B4GALT5: variants seen among roughly 807,000 people sequenced by gnomAD.
B4GALT5 encodes UDP-Gal:beta-GlcNAc beta-1,4-galactosyltransferase 5.
B4GALT5 carries 11 observed loss-of-function variants against 45.0 expected under a neutral mutation model. The ratio of observed to expected loss-of-function variants is 0.24; its 90% confidence interval spans 0.15 to 0.40. B4GALT5 has a LOEUF of 0.40. Ranked by LOEUF, B4GALT5 falls within the 10% of genes least tolerant of loss-of-function variation. B4GALT5 has a pLI of 1.00. For synonymous variants in B4GALT5, 185 were observed against 182.9 expected (o/e 1.01, Z -0.09); for missense variants, 337 against 500.2 (o/e 0.67, Z 3.11).
At chr20:49,694,839 T>TACACACACAC (rs71339447) in intron 1 of B4GALT5, among the ~76,000 whole-genome samples, 8 of 149,702 alleles carry the variant, frequency 5.3e-5, no homozygotes, top group Admixed American at 6.7e-5. Context: ...GACAGACAGA[T>TACACACACAC]ACACACACAC....
In B4GALT5 at chr20:49,652,288, A is replaced by C. The variant is rs117067345; in HGVS notation, c.250+4280T>G. On this transcript the variant is annotated intron_variant, in intron 2 of 8. Coordinates refer to ENST00000371711, the MANE Select transcript of B4GALT5 (RefSeq NM_004776.4). ...TGTTACCAAATCCAGTTGAGAAGGA[A>C]TCGAAAGTGCTGACCAATGGACCCC... is the stretch of plus-strand genomic sequence containing the variant. Among the ~76,000 whole-genome samples the C allele has an allele frequency of 2.5e-3, 377 of 152,044 alleles. 1 individual carries two copies. The highest frequency in any genetic ancestry group is 4.2e-3 in the Non-Finnish European group (284 of 68,000).
At chr20:49,668,480 T>C (rs1877785065) in intron 1 of B4GALT5, among the ~76,000 whole-genome samples, 1 of 151,674 alleles carries the variant, frequency 6.6e-6, no homozygotes, top group African/African-American at 2.4e-5. Context: ...AATATCCACA[T>C]GCACAGCCAC....
In B4GALT5 at chr20:49,681,347, A is replaced by T. The variant is rs546890040; in HGVS notation, c.116-24645T>A. Among the ~76,000 whole-genome samples, 3 of 152,210 alleles carry T rather than the reference A, an allele frequency of 2.0e-5. No homozygotes were observed. The East Asian group carries it at 5.8e-4, about 29-fold the overall frequency. On this transcript the variant is annotated intron_variant, in intron 1 of 8. Transcript: ENST00000371711. ...CAGAGCGCTACATGCATCCGTAATC[A>T]GAATCAAAGAATCCACACTCCCAAA...
At chr20:49,695,020 T>C (rs1360188963) in intron 1 of B4GALT5, among the ~76,000 whole-genome samples, 2 of 152,114 alleles carry the variant, frequency 1.3e-5, no homozygotes, top group Admixed American at 6.5e-5. Flanking sequence ...ACCACAGATT[T>C]AGATTTTCAA....
chr20:49,708,931 CAAAA>C (rs71186472), intron 1 of B4GALT5, among the ~76,000 whole-genome samples: 2 of 135,976 alleles, frequency 1.5e-5, no homozygotes, highest in Non-Finnish European at 1.6e-5. Context: ...GACTCCATCT[CAAAA>C]AAAAAAAAAA....
chr20:49,655,464 T>C (rs1367218557), intron 2 of B4GALT5, among the ~76,000 whole-genome samples: 1 of 151,832 alleles, frequency 6.6e-6, no homozygotes, highest in Non-Finnish European at 1.5e-5. Context: ...GAAAGCACAT[T>C]AGTCCTCAGT....
chr20:49,669,921 T>C (rs568448847), intron 1 of B4GALT5, among the ~76,000 whole-genome samples: 1 of 152,226 alleles, frequency 6.6e-6, no homozygotes, highest in African/African-American at 2.4e-5. Flanking sequence ...AATTCAACAA[T>C]AGCCATAAAA....
At chr20:49,665,261 A>T (rs1286061054) in intron 1 of B4GALT5, among the ~76,000 whole-genome samples, 1 of 151,640 alleles carries the variant, frequency 6.6e-6, no homozygotes, top group Non-Finnish European at 1.5e-5. Context: ...CTCTACAAAA[A>T]AATTTAAAAA....
intron 7 of B4GALT5, among the ~76,000 whole-genome samples, chr20:49,638,555 A>G (rs972421392): frequency 1.3e-5 from 2 of 152,224 alleles, no homozygotes; most frequent in African/African-American, 4.8e-5. Context: ...CTATGTAGAC[A>G]TATCACTAAT....
At chr20:49,637,772 T>TAAAAA (rs200578529) in intron 7 of B4GALT5, among the ~76,000 whole-genome samples, 1 of 134,086 alleles carries the variant, frequency 7.5e-6, no homozygotes, top group Non-Finnish European at 1.6e-5. Flanking sequence ...CATCTCTACT[T>TAAAAA]AAAAAAAAAA....
intron 3 of B4GALT5, among the ~76,000 whole-genome samples, chr20:49,646,388 G>GT (rs2123003486): frequency 6.6e-6 from 1 of 151,918 alleles, no homozygotes; most frequent in Non-Finnish European, 1.5e-5. Context: ...TCCGTTCATG[G>GT]TAAGTACCCT....
intron 1 of B4GALT5, among the ~76,000 whole-genome samples, chr20:49,707,475 T>G (rs1353193864): frequency 6.6e-6 from 1 of 151,758 alleles, no homozygotes; most frequent in Non-Finnish European, 1.5e-5. Flanking sequence ...AGAAACTGAG[T>G]GTGCTGAGGG....
chr20:49,641,304 C>T (rs2085576380), intron 5 of B4GALT5, among the ~76,000 whole-genome samples: 1 of 152,254 alleles, frequency 6.6e-6, no homozygotes, highest in Non-Finnish European at 1.5e-5. Flanking sequence ...CTCCTTACCA[C>T]TTGCTCTTCA....
intron 1 of B4GALT5, among the ~76,000 whole-genome samples, chr20:49,712,449 T>C (rs1171221436): frequency 6.6e-6 from 1 of 151,206 alleles, no homozygotes; most frequent in Non-Finnish European, 1.5e-5. Flanking sequence ...TATAAAAGAC[T>C]ATGCTTGGGG....
chr20:49,653,298 T>C (rs2085629638), intron 2 of B4GALT5, among the ~76,000 whole-genome samples: 1 of 152,210 alleles, frequency 6.6e-6, no homozygotes, highest in African/African-American at 2.4e-5. Flanking sequence ...TATTTTCTGA[T>C]TGGGGATGCT....
chr20:49,685,340 AG>A (rs1240962020), intron 1 of B4GALT5, among the ~76,000 whole-genome samples: 32 of 152,286 alleles, frequency 2.1e-4, no homozygotes, highest in Admixed American at 2.0e-3. Flanking sequence ...CCACAAACCC[AG>A]GGGCTTCAAA....
chr20:49,696,647 C>T (rs2085840689), intron 1 of B4GALT5, among the ~76,000 whole-genome samples: 1 of 152,156 alleles, frequency 6.6e-6, no homozygotes, highest in African/African-American at 2.4e-5. Context: ...CCCAGCAATT[C>T]CTGAGGTGCA....
intron 1 of B4GALT5, among the ~76,000 whole-genome samples, chr20:49,688,980 G>A (rs4432513): frequency 0.49 from 74,040 of 150,514 alleles, 18,723 homozygotes; most frequent in South Asian, 0.65. Context: ...TTAATATTGG[G>A]TAAGACAGAG....
At position 49,656,664 on chromosome 20, in the gene B4GALT5, G is replaced by A. The variant is rs1249645357; in HGVS notation, c.154C>T (p.Leu52=). Residue 52 remains leucine (L), a synonymous_variant, in exon 2 of 9, where the codon CTG becomes TTG. Coordinates refer to ENST00000371711, the MANE Select transcript of B4GALT5 (RefSeq NM_004776.4). ...ATTGTTCTCACGTTGTCCCGGATCAGAATGCCTTGGGCTTGCATCATGAAG... is the reference window on the plus strand; with the variant it reads ...ATTGTTCTCACGTTGTCCCGGATCAAAATGCCTTGGGCTTGCATCATGAAG... The part of the protein sequence containing the change: ...YLFMMQAQGI[L]IRDNVRTIGA... 3.1e-6 allele frequency: 5 copies of A among 1,614,030 alleles called. No homozygotes were observed. The highest frequency in any genetic ancestry group is 4.2e-6 in the Non-Finnish European group (5 of 1,180,036).
Sources: allele counts gnomAD v4.1 joint callset (sites outside exome capture counted in the v4.1 genomes callset), GRCh38; gene constraint gnomAD v4.1.1; transcripts MANE v1.5; gene names NCBI Gene and HGNC (gene_info 2026-07-23, HGNC 2026-07-21).